The following MITF variants were observed in gnomAD, a reference collection of about 807,000 sequenced individuals.
MITF encodes melanocyte inducing transcription factor.
Under a neutral mutation model 60.5 loss-of-function variants are expected in MITF, and 17 were observed. The observed-to-expected ratio is 0.28, with a 90% CI of 0.19 to 0.42. MITF has a LOEUF of 0.42. Among genes scored for constraint, MITF ranks in the 10% least tolerant of loss-of-function variants. The pLI is 1.00. For missense variants in MITF, 622 were observed against 683.5 expected, an observed-to-expected ratio of 0.91 and a Z score of 1.00; for synonymous variants, 260 against 248.5, an observed-to-expected ratio of 1.05 and a Z score of -0.43.
intron 1 of MITF, among the ~76,000 whole-genome samples, chr3:69,828,779 A>T (rs973044388): frequency 2.0e-5 from 3 of 152,196 alleles, no homozygotes; most frequent in Non-Finnish European, 2.9e-5. Context: ...ATGTATGAAC[A>T]TATTCCTGGA....
chr3:69,805,080 A>C (rs529906329), intron 1 of MITF, among the ~76,000 whole-genome samples: 1 of 152,314 alleles, frequency 6.6e-6, no homozygotes, highest in Non-Finnish European at 1.5e-5. Context: ...TTAAACAAAC[A>C]AGAACCAAGT....
chr3:69,910,499 G>C (rs1415636971), intron 2 of MITF, among the ~76,000 whole-genome samples: 1 of 152,154 alleles, frequency 6.6e-6, no homozygotes, highest in East Asian at 1.9e-4. Context: ...GTGTGAGCTT[G>C]GAAAAACCTC....
chr3:69,848,885 G>A (rs1043291204), intron 1 of MITF, among the ~76,000 whole-genome samples: 1 of 151,584 alleles, frequency 6.6e-6, no homozygotes, highest in Non-Finnish European at 1.5e-5. Flanking sequence ...TAAATTATAT[G>A]GTGTGAGTAT....
chr3:69,949,273 G>A (rs545181125), intron 6 of MITF, 105 bp downstream of exon 6: 103 of 861,700 alleles, frequency 1.2e-4, no homozygotes, highest in Non-Finnish European at 1.6e-4. Flanking sequence ...ACTCATGGAC[G>A]TAACTTTTAT....
intron 2 of MITF, among the ~76,000 whole-genome samples, chr3:69,894,142 G>C (rs1044693582): frequency 6.6e-6 from 1 of 152,128 alleles, no homozygotes; most frequent in Non-Finnish European, 1.5e-5. Context: ...GTTCACTTTT[G>C]AAAGCCTTAT....
At chr3:69,801,435 G>A (rs1021860017) in intron 1 of MITF, among the ~76,000 whole-genome samples, 43 of 152,070 alleles carry the variant, frequency 2.8e-4, no homozygotes, top group African/African-American at 9.9e-4. Context: ...CTTATATCCA[G>A]GGTCACCATC....
chr3:69,956,911 A>G (rs1035370222), intron 8 of MITF, among the ~76,000 whole-genome samples: 1 of 152,236 alleles, frequency 6.6e-6, no homozygotes, highest in African/African-American at 2.4e-5. Flanking sequence ...TGACTTGTAC[A>G]GTACCTCTAA....
chr3:69,800,016 T>C (rs1298880510), intron 1 of MITF, among the ~76,000 whole-genome samples: 2 of 152,224 alleles, frequency 1.3e-5, no homozygotes. Context: ...TAGTTTTAAA[T>C]ATATTCACTA....
chr3:69,937,365 GGT>G (rs56689910), intron 2 of MITF, among the ~76,000 whole-genome samples: 7,237 of 141,844 alleles, frequency 0.051, 220 homozygotes, highest in African/African-American at 0.099. Flanking sequence ...TTCTTAAGGA[GGT>G]GTGTGTGTGT....
chr3:69,946,964 C>G (rs576565686), intron 5 of MITF, among the ~76,000 whole-genome samples: 34 of 152,146 alleles, frequency 2.2e-4, no homozygotes, highest in Non-Finnish European at 3.7e-4. Flanking sequence ...AGCATTCTCT[C>G]TCTCAGTCAT....
At chr3:69,956,336 G>C in intron 7 of MITF, 119 bp from the exon 8 acceptor site, 1 of 783,746 alleles carries the variant, frequency 1.3e-6, no homozygotes, top group South Asian at 1.5e-5. Context: ...GGAAAAAGTA[G>C]GTTCAGGTTT....
At chr3:69,938,442 A>G (rs2065896096) in intron 3 of MITF, 2 of 1,505,580 alleles carry the variant, frequency 1.3e-6, no homozygotes, top group Non-Finnish European at 1.8e-6. Context: ...GCTGTTTAGA[A>G]GTTCCGCTTG....
chr3:69,940,367 A>G (rs1021595081), intron 4 of MITF, among the ~76,000 whole-genome samples: 4 of 152,210 alleles, frequency 2.6e-5, no homozygotes, highest in African/African-American at 9.6e-5. Context: ...AGACACACCA[A>G]CTAGCTCAAA....
At chr3:69,840,136 C>T (rs1462778244) in intron 1 of MITF, among the ~76,000 whole-genome samples, 1 of 152,128 alleles carries the variant, frequency 6.6e-6, no homozygotes, top group Non-Finnish European at 1.5e-5. Flanking sequence ...AGGGTCAGTC[C>T]AGACCACACT....
intron 1 of MITF, chr3:69,763,782 G>A: frequency 1.5e-6 from 2 of 1,364,442 alleles, no homozygotes; most frequent in Non-Finnish European, 1.9e-6. Context: ...CTAAGTAAAA[G>A]CTAATGGTTG....
chr3:69,745,437 T>C (rs1234360902), intron 1 of MITF, among the ~76,000 whole-genome samples: 1 of 152,048 alleles, frequency 6.6e-6, no homozygotes, highest in Non-Finnish European at 1.5e-5. Flanking sequence ...GCATCAGCAG[T>C]TGGGGGCATT....
At chr3:69,827,367 CT>C (rs1164329809) in intron 1 of MITF, among the ~76,000 whole-genome samples, 1 of 152,210 alleles carries the variant, frequency 6.6e-6, no homozygotes, top group East Asian at 1.9e-4. Flanking sequence ...ACTTACAAAA[CT>C]CACAGATTGA....
chr3:69,927,077 C>T (rs1298894670), intron 2 of MITF, among the ~76,000 whole-genome samples: 1 of 150,014 alleles, frequency 6.7e-6, no homozygotes, highest in Non-Finnish European at 1.5e-5. Flanking sequence ...ATTTATCGCT[C>T]GGGAATAGTC....
At position 69,939,152 on chromosome 3, in the gene MITF, A is replaced by G. The variant is rs748492606; in HGVS notation, c.637A>G (p.Asn213Asp). The G allele has an allele frequency of 3.1e-6, 5 of 1,614,006 alleles. No individual in the cohort carries two copies. In the South Asian group the frequency reaches 5.5e-5, roughly 18 times the overall value. Reference sequence around the variant, plus strand: ...GGCAGAGAGCGAGTGCCCAGGCATGAACACACATTCACGAGCGTCCTGTAT... The same window carrying G: ...GGCAGAGAGCGAGTGCCCAGGCATGGACACACATTCACGAGCGTCCTGTAT... The part of the protein sequence containing the change: ...NRAESECPGM[N>D]THSRASCMQM... The change falls in exon 4 of 10, where the codon AAC becomes GAC. Residue 213 changes from asparagine (N) to aspartate (D), a missense_variant. Coordinates refer to ENST00000352241, the MANE Select transcript of MITF (RefSeq NM_001354604.2).
Sources: allele counts gnomAD v4.1 joint callset (sites outside exome capture counted in the v4.1 genomes callset), GRCh38; gene constraint gnomAD v4.1.1; transcripts MANE v1.5; gene names NCBI Gene and HGNC (gene_info 2026-07-23, HGNC 2026-07-21).